The following ALKBH8 variants were observed in gnomAD, a reference collection of about 807,000 sequenced individuals.
The protein encoded by ALKBH8 is tRNA (carboxymethyluridine(34)-5-O)-methyltransferase ALKBH8.
A neutral mutation model predicts 59.8 loss-of-function variants in ALKBH8; 36 were observed. That is an observed-to-expected ratio of 0.60 (90% confidence interval 0.46 to 0.79). ALKBH8 has a LOEUF of 0.79. Ranked by LOEUF, ALKBH8 falls within the 30% of genes least tolerant of loss-of-function variation. The pLI, the probability that ALKBH8 is intolerant of heterozygous loss-of-function variation, is 0.00. For missense variants in ALKBH8, 768 were observed against 801.0 expected (o/e 0.96, Z 0.50); for synonymous variants, 276 against 273.6 (o/e 1.01, Z -0.09).
chr11:107,510,830 G>C lies in ALKBH8; in HGVS notation c.1437+57C>G, dbSNP rs79898705. 3,051 of 1,517,632 alleles carry C rather than the reference G, an allele frequency of 2.0e-3. 4 individuals carry two copies. Among genetic ancestry groups the C allele is most frequent in the Non-Finnish European group, 2.0e-3 (2,277 of 1,130,354 alleles). The allele number at this position is 1,517,632 out of a possible 1,614,324, so 94.0% of individuals were successfully genotyped here. On this transcript the variant is annotated intron_variant, in intron 11 of 11. Transcript: ENST00000428149. ...AGGGTCCAAAATCAGCAAAATTCAT[G>C]AACTCTTCCTGCTGCTTTAGCTACA...
intron 7 of ALKBH8, among the ~76,000 whole-genome samples, chr11:107,543,038 G>A (rs1160673642): frequency 6.6e-6 from 1 of 152,202 alleles, no homozygotes; most frequent in Non-Finnish European, 1.5e-5. Context: ...GTGAATCGCT[G>A]AAAACAAAGA....
intron 7 of ALKBH8, among the ~76,000 whole-genome samples, chr11:107,541,836 C>T (rs973920612): frequency 4.6e-5 from 7 of 152,070 alleles, no homozygotes; most frequent in Non-Finnish European, 8.8e-5. Context: ...AACAAAGATG[C>T]TTACCATGTT....
rs532956501 is a variant in ALKBH8, at chr11:107,514,051, TA to T, written c.1288-3016del. On this transcript the variant is annotated intron_variant, in intron 10 of 11. Coordinates refer to ENST00000428149, the MANE Select transcript of ALKBH8 (RefSeq NM_138775.3). ...GTACGCTTGAACCTAAAATAAAAGT[TA>T]AAAAAAAAATTTAATCTGGCCTTTT... is the stretch of plus-strand genomic sequence containing the variant. Among the ~76,000 whole-genome samples, 955 of 150,462 alleles carry T rather than the reference TA, an allele frequency of 6.3e-3. 15 individuals are homozygous for T. Among genetic ancestry groups the T allele is most frequent in the African/African-American group, 0.022 (912 of 41,008 alleles).
chr11:107,562,096 A>C (rs1444363380), intron 1 of ALKBH8, among the ~76,000 whole-genome samples: 1 of 152,094 alleles, frequency 6.6e-6, no homozygotes, highest in Non-Finnish European at 1.5e-5. Flanking sequence ...TCAGGAGTTC[A>C]AGACCAGCCT....
intron 10 of ALKBH8, among the ~76,000 whole-genome samples, chr11:107,514,928 A>C (rs886263797): frequency 6.6e-6 from 1 of 152,060 alleles, no homozygotes; most frequent in African/African-American, 2.4e-5. Flanking sequence ...CAGCCAAACA[A>C]AACAAGAGAT....
rs960053267 is a variant in ALKBH8 at position 107,542,761 on chromosome 11, T to C, written c.771+6992A>G. The stretch of plus-strand genomic sequence containing the variant: ...CCCGTTTCTACAAAAAATACAAAAA[T>C]TAGCTGGGCATGGTAGCTCGTGCCT... On this transcript the variant is annotated intron_variant, in intron 7 of 11. Coordinates refer to ENST00000428149, the MANE Select transcript of ALKBH8 (RefSeq NM_138775.3). Among the ~76,000 whole-genome samples the C allele has an allele frequency of 3.3e-5, 5 of 152,080 alleles. No individual in the cohort carries two copies. The East Asian group carries it at 9.7e-4, about 30-fold the overall frequency.
intron 8 of ALKBH8, among the ~76,000 whole-genome samples, chr11:107,530,422 T>G (rs1174858347): frequency 6.6e-6 from 1 of 152,208 alleles, no homozygotes; most frequent in Non-Finnish European, 1.5e-5. Flanking sequence ...TTTATACATG[T>G]TTTAAGTGTA....
chr11:107,541,787 AG>A (rs879346549), intron 7 of ALKBH8, among the ~76,000 whole-genome samples: 9 of 152,218 alleles, frequency 5.9e-5, no homozygotes, highest in Admixed American at 2.6e-4. Flanking sequence ...AAAAAATCAC[AG>A]GGACCTCAAA....
intron 1 of ALKBH8, 97 bp from the exon 2 acceptor site, chr11:107,560,996 T>G: frequency 8.7e-7 from 1 of 1,154,894 alleles, no homozygotes. Flanking sequence ...TATCAATATT[T>G]CTGTGACAAT....
intron 11 of ALKBH8, among the ~76,000 whole-genome samples, chr11:107,507,107 C>G (rs1021920891): frequency 6.6e-6 from 1 of 151,580 alleles, no homozygotes; most frequent in Non-Finnish European, 1.5e-5. Context: ...AGCAAGCTAA[C>G]AAAAGAGGAA....
rs1245267605 is a variant in ALKBH8, at chr11:107,560,798, A to G, written c.96T>C (p.His32=). The part of the protein sequence containing the change: ...QIKAKHTLLR[H]EGIETVSYAT... ...CATAGGATACTGTCTCAATGCCTTC[A>G]TGTCTCAGCAAAGTATGCTTGGCTT... Residue 32 remains histidine, a synonymous_variant, in exon 2 of 12, where the codon CAT becomes CAC. Coordinates refer to ENST00000428149, the MANE Select transcript of ALKBH8 (RefSeq NM_138775.3). The G allele has an allele frequency of 6.2e-7, 1 of 1,613,348 alleles. No individual in the cohort carries two copies. Among genetic ancestry groups the G allele is most frequent in the East Asian group, 2.2e-5 (1 of 44,772 alleles).
chr11:107,562,690 G>C (rs574612901), intron 1 of ALKBH8: 1 of 152,154 alleles, frequency 6.6e-6, no homozygotes, highest in Non-Finnish European at 1.5e-5. Context: ...TAGCACAGGG[G>C]GTACATACTA....
chr11:107,533,316 G>C (rs186592672), intron 7 of ALKBH8, among the ~76,000 whole-genome samples: 1 of 152,208 alleles, frequency 6.6e-6, no homozygotes, highest in East Asian at 1.9e-4. Context: ...AAATAATTCA[G>C]CATAGTACCT....
At chr11:107,517,957 T>C (rs1305344619) in intron 10 of ALKBH8, among the ~76,000 whole-genome samples, 1 of 152,224 alleles carries the variant, frequency 6.6e-6, no homozygotes, top group East Asian at 1.9e-4. Context: ...CATATGTTAA[T>C]TTGCTAGATT....
At chr11:107,536,722 GA>G (rs1320554567) in intron 7 of ALKBH8, among the ~76,000 whole-genome samples, 8 of 152,106 alleles carry the variant, frequency 5.3e-5, no homozygotes, top group African/African-American at 1.9e-4. Context: ...ACTAGGAATT[GA>G]AAAGTAGCTA....
chr11:107,560,028 C>T (rs1285113931), intron 2 of ALKBH8, among the ~76,000 whole-genome samples: 1 of 152,050 alleles, frequency 6.6e-6, no homozygotes, highest in Non-Finnish European at 1.5e-5. Flanking sequence ...CCAGTAAGTA[C>T]AATTAGATTC....
Position 107,504,755 on chromosome 11 carries a change from C to T in ALKBH8, c.1898G>A (p.Gly633Glu). Residue 633 changes from glycine (G) to glutamate (E), a missense_variant, in exon 12 of 12, where the codon GGA becomes GAA. Transcript: ENST00000428149. Reference sequence around the variant, plus strand: ...AGTCCTGCAGGCACCTTCCAGTTCTCCCTCACGGAACACATGGTAGTAACG... The same window carrying T: ...AGTCCTGCAGGCACCTTCCAGTTCTTCCTCACGGAACACATGGTAGTAACG... ...FHRYYHVFRE[G>E]ELEGACRTVS... The T allele has an allele frequency of 1.3e-6, 2 of 1,552,080 alleles. No homozygotes were observed. The highest frequency in any genetic ancestry group is 1.7e-6 in the Non-Finnish European group (2 of 1,147,058).
intron 7 of ALKBH8, among the ~76,000 whole-genome samples, chr11:107,542,384 G>C (rs1269279010): frequency 6.6e-6 from 1 of 152,138 alleles, no homozygotes; most frequent in Non-Finnish European, 1.5e-5. Context: ...CAAAAAAGTA[G>C]ATGAAATCTT....
chr11:107,534,132 C>CA (rs1462453685), intron 7 of ALKBH8, among the ~76,000 whole-genome samples: 1 of 151,604 alleles, frequency 6.6e-6, no homozygotes, highest in African/African-American at 2.4e-5. Flanking sequence ...ACCGTCTCAC[C>CA]AAAAAATAAA....
Sources: gnomAD v4.1 joint callset for allele counts (sites outside exome capture counted in the v4.1 genomes callset) on GRCh38, gnomAD v4.1.1 for gene constraint, MANE v1.5 for transcripts, NCBI Gene and HGNC (gene_info 2026-07-23, HGNC 2026-07-21) for gene names.